SLITRK6: variants seen among roughly 807,000 people sequenced by gnomAD.
The protein encoded by SLITRK6 is SLIT and NTRK like family member 6, also known as SLIT and NTRK-like protein 6.
In SLITRK6, 35 loss-of-function variants were observed where a neutral mutation model predicts 55.6. That is an observed-to-expected ratio of 0.63 (90% CI 0.48 to 0.83). The LOEUF is 0.83. Ranked by LOEUF, SLITRK6 falls within the 40% of genes least tolerant of loss-of-function variation. SLITRK6 has a pLI of 0.00. For synonymous variants in SLITRK6, 392 were observed against 359.6 expected, an observed-to-expected ratio of 1.09 and a Z score of -1.02; for missense variants, 977 against 986.4, an observed-to-expected ratio of 0.99 and a Z score of 0.13.
Position 85,794,273 on chromosome 13 carries a change from A to T in SLITRK6, c.2236T>A (p.Phe746Ile). 1.9e-6 allele frequency: 3 copies of T among 1,613,376 alleles called. No individual in the cohort carries two copies. The highest frequency in any genetic ancestry group is 1.7e-5 in the Admixed American group (1 of 59,898). ...KYKTTNQSTEFLSFQDASSLY... is the reference protein window; with the variant it reads ...KYKTTNQSTEILSFQDASSLY... ...GAGCTGGCATCTTGGAAGGATAAAA[A>T]TTCTGTTGATTGGTTCGTGGTTTTG... is the stretch of plus-strand genomic sequence containing the variant. Residue 746 changes from phenylalanine (F) to isoleucine (I), a missense_variant, in exon 2 of 2, where the codon TTT becomes ATT. Coordinates refer to ENST00000647374, the MANE Select transcript of SLITRK6 (RefSeq NM_032229.3).
chr13:85,798,334 T>A, intron 1 of SLITRK6, among the ~76,000 whole-genome samples: 1 of 151,864 alleles, frequency 6.6e-6, no homozygotes, highest in East Asian at 1.9e-4. Context: ...AAATAGTAAA[T>A]AATTTTTCAG....
chr13:85,795,775 A>G lies in SLITRK6; in HGVS notation c.734T>C (p.Val245Ala). Reference sequence around the variant, plus strand: ...AAAAAATGGAGGGCTGTTGCAGACAACATCACCAATTATAGACTGTGGAGG... The same window carrying G: ...AAAAAATGGAGGGCTGTTGCAGACAGCATCACCAATTATAGACTGTGGAGG... ...NMPPQSIIGD[V>A]VCNSPPFFKG... The change falls in exon 2 of 2, where the codon GTT becomes GCT. Residue 245 changes from valine to alanine, a missense_variant. Transcript: ENST00000647374. 6.2e-7 allele frequency: 1 copy of G among 1,613,008 alleles called. No individual in the cohort carries two copies. The highest frequency in any genetic ancestry group is 1.7e-5 in the Admixed American group (1 of 59,806).
At position 85,794,510 on chromosome 13, in the gene SLITRK6, G is replaced by T; in HGVS notation, c.1999C>A (p.His667Asn). ...GCAGAGGGTCTTTCAGTAGTGTGAT[G>T]AGTGGTTTTATGGCCATACATGCTG... ...QYSMYGHKTT[H>N]HTTERPSASL... The change falls in exon 2 of 2, where the codon CAT (histidine) becomes AAT (asparagine). Residue 667 changes from histidine to asparagine, a missense_variant. By Grantham distance (68) the His-to-Asn change is moderately conservative. Transcript: ENST00000647374. 1 of 1,613,304 alleles carries T rather than the reference G, an allele frequency of 6.2e-7. No individual in the cohort carries two copies. The highest frequency in any genetic ancestry group is 8.5e-7 in the Non-Finnish European group (1 of 1,179,564).
Position 85,794,676 on chromosome 13 carries a change from T to C in SLITRK6, c.1833A>G (p.Ile611Met), listed in dbSNP as rs1302494816. 2 of 1,613,170 alleles carry C rather than the reference T, an allele frequency of 1.2e-6. No individual in the cohort carries two copies. Among genetic ancestry groups the C allele is most frequent in the Admixed American group, 3.3e-5 (2 of 59,836 alleles). Residue 611 changes from isoleucine to methionine, a missense_variant, in exon 2 of 2, where the codon ATA becomes ATG. Ile to Met is a conservative substitution (Grantham distance 10, BLOSUM62 1). Transcript: ENST00000647374. The stretch of plus-strand genomic sequence containing the variant: ...TGATGAACATAATCAGAAGTCCCAA[T>C]ATTAGAACAGACAGTGGCACAGCGT... ...LTDAVPLSVL[I>M]LGLLIMFITI...
chr13:85,794,483 A>T lies in SLITRK6; in HGVS notation c.2026T>A (p.Ser676Thr). 2 of 1,613,394 alleles carry T rather than the reference A, an allele frequency of 1.2e-6. No homozygotes were observed. Among genetic ancestry groups the T allele is most frequent in the Non-Finnish European group, 8.5e-7 (1 of 1,179,562 alleles). ...CTCACCATGTGCTGTTCATAGAGTGAGGCAGAGGGTCTTTCAGTAGTGTGA... is the reference window on the plus strand; with the variant it reads ...CTCACCATGTGCTGTTCATAGAGTGTGGCAGAGGGTCTTTCAGTAGTGTGA... ...THHTTERPSA[S>T]LYEQHMVSPM... Residue 676 changes from serine (S) to threonine (T), a missense_variant, in exon 2 of 2, where the codon TCA (serine) becomes ACA (threonine). Coordinates refer to ENST00000647374, the MANE Select transcript of SLITRK6 (RefSeq NM_032229.3).
rs1217271471 is a variant in SLITRK6, at chr13:85,795,065, C to G, written c.1444G>C (p.Val482Leu). Residue 482 changes from valine (V) to leucine (L), a missense_variant, in exon 2 of 2, where the codon GTT (valine) becomes CTT (leucine). By Grantham distance (32) the Val-to-Leu change is conservative (BLOSUM62 1). Coordinates refer to ENST00000647374, the MANE Select transcript of SLITRK6 (RefSeq NM_032229.3). ...TTAAGATTTACCTTAGTTAGAGGAA[C>G]CCCTGAAAAAATATGTGGTGGTAAA... is the stretch of plus-strand genomic sequence containing the variant. ...QVLPPHIFSG[V>L]PLTKVNLKTN... The G allele has an allele frequency of 2.5e-6, 4 of 1,612,842 alleles. No homozygotes were observed. The South Asian group carries it at 3.3e-5, about 13-fold the overall frequency.
rs1378258310 is a variant in SLITRK6 at position 85,795,894 on chromosome 13, T to C, written c.615A>G (p.Glu205=). The part of the protein sequence containing the change: ...LQTLPYVGFL[E]HIGRILDLQL... ...GAAGATCCAATATTCGGCCAATGTGTTCGAGAAAACCAACATAAGGCAATG... is the reference window on the plus strand; with the variant it reads ...GAAGATCCAATATTCGGCCAATGTGCTCGAGAAAACCAACATAAGGCAATG... Residue 205 remains glutamate, a synonymous_variant, in exon 2 of 2, where the codon GAA becomes GAG. Transcript: ENST00000647374. 2.5e-6 allele frequency: 4 copies of C among 1,612,996 alleles called. No homozygotes were observed. Among genetic ancestry groups the C allele is most frequent in the Non-Finnish European group, 3.4e-6 (4 of 1,179,484 alleles).
rs1470293471 is a variant in SLITRK6 at position 85,795,980 on chromosome 13, G to A, written c.529C>T (p.Pro177Ser). The part of the protein sequence containing the change: ...LNDNAIESLP[P>S]NIFRFVPLTH... ...AAAGGAACAAATCGGAAGATGTTTG[G>A]AGGAAGACTCTCAATAGCATTGTCA... The change falls in exon 2 of 2, where the codon CCA (proline) becomes TCA (serine). Residue 177 changes from proline to serine, a missense_variant. By Grantham distance (74) the Pro-to-Ser change is moderately conservative (BLOSUM62 -1). Transcript: ENST00000647374. 1.2e-6 allele frequency: 2 copies of A among 1,612,948 alleles called. No homozygotes were observed. Among genetic ancestry groups the A allele is most frequent in the East Asian group, 2.2e-5 (1 of 44,840 alleles).
At position 85,795,711 on chromosome 13, in the gene SLITRK6, AATAG is replaced by A; in HGVS notation, c.794_797del (p.Ser265PhefsTer26). The A allele has an allele frequency of 1.2e-6, 2 of 1,612,942 alleles. No homozygotes were observed. The highest frequency in any genetic ancestry group is 1.7e-6 in the Non-Finnish European group (2 of 1,179,360). On this transcript the variant is annotated frameshift_variant, in exon 2 of 2. Coordinates refer to ENST00000647374, the MANE Select transcript of SLITRK6 (RefSeq NM_032229.3). LOFTEE classifies it high-confidence loss of function. ...CTTCATACACTGGTGGAGTAGGGCA[AATAG>A]ATTCCTTCTTTAGTCTACTGAGTAT...
intron 1 of SLITRK6, among the ~76,000 whole-genome samples, chr13:85,797,080 T>C (rs1874749453): frequency 6.6e-6 from 1 of 151,558 alleles, no homozygotes; most frequent in Non-Finnish European, 1.5e-5. Flanking sequence ...ATTGTCTTTA[T>C]ATTGTTGAAC....
chr13:85,794,593 T>A lies in SLITRK6; in HGVS notation c.1916A>T (p.Tyr639Phe). The A allele has an allele frequency of 6.2e-7, 1 of 1,613,198 alleles. No homozygotes were observed. The highest frequency in any genetic ancestry group is 8.5e-7 in the Non-Finnish European group (1 of 1,179,530). ...TTGCTCATCTACTTGTTTCTTTTTG[T>A]ATCTTCTCCTGCGGTGAAGAACAAG... is the stretch of plus-strand genomic sequence containing the variant. ...VVLVLHRRRRYKKKQVDEQMR... is the reference protein window; with the variant it reads ...VVLVLHRRRRFKKKQVDEQMR... Residue 639 changes from tyrosine to phenylalanine, a missense_variant, in exon 2 of 2, where the codon TAC (tyrosine) becomes TTC (phenylalanine). Tyr to Phe is a conservative substitution (Grantham distance 22). Coordinates refer to ENST00000647374, the MANE Select transcript of SLITRK6 (RefSeq NM_032229.3).
chr13:85,796,539 A>C lies in SLITRK6; in HGVS notation c.-24-7T>G. On this transcript the variant is annotated splice_region_variant and splice_polypyrimidine_tract_variant and intron_variant, in intron 1 of 1. Coordinates refer to ENST00000647374, the MANE Select transcript of SLITRK6 (RefSeq NM_032229.3). ...CATGTGATGAAATCCGATTCTGTAA[A>C]ATAAAACGCAATAGCAAGGGACTTT... 1.3e-6 allele frequency: 2 copies of C among 1,495,332 alleles called. No individual in the cohort carries two copies. The highest frequency in any genetic ancestry group is 1.8e-6 in the Non-Finnish European group (2 of 1,126,074). The allele number at this position is 1,495,332 out of a possible 1,614,324, so 92.6% of individuals were successfully genotyped here.
rs1263803803 is a variant in SLITRK6 at position 85,795,026 on chromosome 13, T to A, written c.1483A>T (p.Thr495Ser). 11 of 1,612,846 alleles carry A rather than the reference T, an allele frequency of 6.8e-6. No individual in the cohort carries two copies. The highest frequency in any genetic ancestry group is 9.3e-6 in the Non-Finnish European group (11 of 1,179,406). Reference protein sequence around the residue: ...TKVNLKTNQFTHLPVSNILDD... With the variant: ...TKVNLKTNQFSHLPVSNILDD... ...AAAATATTACTTACAGGTAGATGGGTAAACTGGTTTGTTTTAAGATTTACC... is the reference window on the plus strand; with the variant it reads ...AAAATATTACTTACAGGTAGATGGGAAAACTGGTTTGTTTTAAGATTTACC... Residue 495 changes from threonine (T) to serine (S), a missense_variant, in exon 2 of 2, where the codon ACC becomes TCC. Transcript: ENST00000647374.
chr13:85,793,607 A>G lies in SLITRK6; in HGVS notation c.*376T>C, dbSNP rs1874607415. 1 of 171,666 alleles carries G rather than the reference A, an allele frequency of 5.8e-6. No individual in the cohort carries two copies. Among genetic ancestry groups the G allele is most frequent in the Non-Finnish European group, 1.2e-5 (1 of 80,626 alleles). 10.6% of individuals were successfully genotyped at this position (171,666 alleles called of 1,614,324 possible). A position where few individuals can be genotyped will look rare whatever the true frequency, so the allele number is the denominator to read the frequency against. On this transcript the variant is annotated 3_prime_UTR_variant, in exon 2 of 2. Coordinates refer to ENST00000647374, the MANE Select transcript of SLITRK6 (RefSeq NM_032229.3). ...CTACATATACAAGTATGGTTTTTAA[A>G]TGATGAAATCCAATTGTAATTAATC...
rs1250801957 is a variant in SLITRK6 at position 85,796,056 on chromosome 13, A to G, written c.453T>C (p.Ile151=). ...TGAGCTTGCTAAAGGCACTTGGTTC[A>G]ATCACTGTGATAAAATTGTTATCTG... ...LQADNNFITV[I]EPSAFSKLNR... is the part of the protein sequence containing the mutation. Residue 151 remains isoleucine, a synonymous_variant, in exon 2 of 2, where the codon ATT becomes ATC. Transcript: ENST00000647374. The G allele has an allele frequency of 2.5e-6, 4 of 1,613,132 alleles. No individual in the cohort carries two copies. In the African/African-American group the frequency reaches 4.0e-5, roughly 16 times the overall value.
At position 85,796,413 on chromosome 13, in the gene SLITRK6, A is replaced by G. The variant is rs1468840125; in HGVS notation, c.96T>C (p.Asp32=). 1 of 1,612,354 alleles carries G rather than the reference A, an allele frequency of 6.2e-7. No individual in the cohort carries two copies. Among genetic ancestry groups the G allele is most frequent in the Non-Finnish European group, 8.5e-7 (1 of 1,179,096 alleles). ...TPVLSSRGSC[D]SLCNCEEKDG... ...CTTTTTCCTCACAATTGCAAAGAGAATCACAAGAGCCTCTGGATGAGAGCA... is the reference window on the plus strand; with the variant it reads ...CTTTTTCCTCACAATTGCAAAGAGAGTCACAAGAGCCTCTGGATGAGAGCA... The change falls in exon 2 of 2, where the codon GAT becomes GAC. Residue 32 remains aspartate, a synonymous_variant. Coordinates refer to ENST00000647374, the MANE Select transcript of SLITRK6 (RefSeq NM_032229.3).
At chr13:85,798,405 G>C (rs1204629236) in intron 1 of SLITRK6, among the ~76,000 whole-genome samples, 2 of 151,886 alleles carry the variant, frequency 1.3e-5, no homozygotes, top group African/African-American at 2.4e-5. Flanking sequence ...AAACGTGCTA[G>C]GAAACAGTTT....
Position 85,795,838 on chromosome 13 carries a change from C to G in SLITRK6, c.671G>C (p.Cys224Ser), listed in dbSNP as rs1269638280. 2.5e-6 allele frequency: 4 copies of G among 1,612,820 alleles called. No homozygotes were observed. The Admixed American group carries it at 6.7e-5, about 27-fold the overall frequency. Residue 224 changes from cysteine (C) to serine (S), a missense_variant, in exon 2 of 2, where the codon TGT becomes TCT. By Grantham distance (112) the Cys-to-Ser change is moderately radical. Transcript: ENST00000647374. ...CCAAGTTTTTAACTGCAATAAGTCACAATTGCAGGCCCATTTGTTGTCCTC... is the reference window on the plus strand; with the variant it reads ...CCAAGTTTTTAACTGCAATAAGTCAGAATTGCAGGCCCATTTGTTGTCCTC... ...QLEDNKWACN[C>S]DLLQLKTWLE...
In SLITRK6 at chr13:85,793,733, T is replaced by A. The variant is rs575199963; in HGVS notation, c.*250A>T. 5.7e-5 allele frequency: 21 copies of A among 367,186 alleles called. No homozygotes were observed. Among genetic ancestry groups the A allele is most frequent in the African/African-American group, 3.6e-4 (17 of 47,682 alleles). The allele number at this position is 367,186 out of a possible 1,614,324, so 22.7% of individuals were successfully genotyped here. On this transcript the variant is annotated 3_prime_UTR_variant, in exon 2 of 2. Transcript: ENST00000647374. ...GAGACACTTTTCAGTATATGAAATA[T>A]TACTATAATCCTTGAATGATTTACA...
Sources: allele counts gnomAD v4.1 joint callset (sites outside exome capture counted in the v4.1 genomes callset), GRCh38; gene constraint gnomAD v4.1.1; transcripts MANE v1.5; gene names NCBI Gene and HGNC (gene_info 2026-07-23, HGNC 2026-07-21).